The following SORCS2 variants were observed in gnomAD, a reference collection of about 807,000 sequenced individuals.
SORCS2 encodes sortilin related VPS10 domain containing receptor 2, also known as VPS10 domain-containing receptor SorCS2.
Under a neutral mutation model 141.6 loss-of-function variants are expected in SORCS2, and 100 were observed. The observed-to-expected ratio is 0.71, with a 90% confidence interval of 0.60 to 0.83. The LOEUF (loss-of-function observed/expected upper bound fraction) is 0.83. Among genes scored for constraint, SORCS2 ranks in the 40% least tolerant of loss-of-function variants. The pLI is 0.00. For synonymous variants in SORCS2, 789 were observed against 676.9 expected (o/e 1.17, Z -2.57); for missense variants, 1,646 against 1,560.2 (o/e 1.05, Z -0.93).
At position 7,560,707 on chromosome 4, in the gene SORCS2, G is replaced by C. The variant is rs75794717; in HGVS notation, c.648+29078G>C. Among the ~76,000 whole-genome samples, 622 of 152,250 alleles carry C rather than the reference G, an allele frequency of 4.1e-3. 1 individual carries two copies. Among genetic ancestry groups the C allele is most frequent in the Middle Eastern group, 0.01 (3 of 294 alleles). ...ACTCAGCACCTGAAACCCTCACACT[G>C]TTGTCTTCTTACCCATCCTCAAGCC... On this transcript the variant is annotated intron_variant, in intron 3 of 26. Coordinates refer to ENST00000507866, the MANE Select transcript of SORCS2 (RefSeq NM_020777.3).
intron 1 of SORCS2, among the ~76,000 whole-genome samples, chr4:7,209,509 C>T (rs1049557908): frequency 6.6e-6 from 1 of 152,164 alleles, no homozygotes; most frequent in Non-Finnish European, 1.5e-5. Context: ...GGGACCCCAG[C>T]GTGAGGCTGG....
intron 1 of SORCS2, among the ~76,000 whole-genome samples, chr4:7,342,171 A>T (rs1720405605): frequency 6.6e-6 from 1 of 152,204 alleles, no homozygotes; most frequent in Admixed American, 6.5e-5. Flanking sequence ...CTGAGTGCCC[A>T]CTGGGTGCCA....
At position 7,343,768 on chromosome 4, in the gene SORCS2, G is replaced by A. The variant is rs113546531; in HGVS notation, c.481-52520G>A. ...AGTGTTGAGTGGGTTGGTACACGGC[G>A]TAGAATAAGTCCTCAAGATGGGGGC... On this transcript the variant is annotated intron_variant, in intron 1 of 26. Transcript: ENST00000507866. 3.9e-3 allele frequency among the ~76,000 whole-genome samples: 600 copies of A among 152,310 alleles called. 7 individuals are homozygous for A. Among genetic ancestry groups the A allele is most frequent in the African/African-American group, 0.013 (527 of 41,560 alleles).
At chr4:7,222,007 G>T (rs1380397781) in intron 1 of SORCS2, among the ~76,000 whole-genome samples, 3 of 152,122 alleles carry the variant, frequency 2.0e-5, no homozygotes, top group Non-Finnish European at 4.4e-5. Flanking sequence ...TGGAGAAAAT[G>T]GAGCAAGTGA....
At chr4:7,518,816 C>A (rs1396922171) in intron 2 of SORCS2, among the ~76,000 whole-genome samples, 1 of 152,092 alleles carries the variant, frequency 6.6e-6, no homozygotes, top group Non-Finnish European at 1.5e-5. Context: ...GCCCCCCCGG[C>A]CCCCCATCAA....
chr4:7,250,271 G>GA (rs1713403968), intron 1 of SORCS2, among the ~76,000 whole-genome samples: 1 of 151,996 alleles, frequency 6.6e-6, no homozygotes, highest in African/African-American at 2.4e-5. Flanking sequence ...AAGAAAGAAA[G>GA]AAGGTGAAGG....
At chr4:7,675,037 G>A (rs2108948662) in intron 8 of SORCS2, among the ~76,000 whole-genome samples, 1 of 152,350 alleles carries the variant, frequency 6.6e-6, no homozygotes, top group Middle Eastern at 3.4e-3. Flanking sequence ...ACAGAGGTGG[G>A]AGGGAAGCTG....
At chr4:7,658,753 A>G (rs1721962834) in intron 5 of SORCS2, among the ~76,000 whole-genome samples, 1 of 152,190 alleles carries the variant, frequency 6.6e-6, no homozygotes, top group Non-Finnish European at 1.5e-5. Context: ...TCCCTGGAGA[A>G]GGTGAGGCAA....
chr4:7,608,174 G>T (rs1718179124), intron 3 of SORCS2, among the ~76,000 whole-genome samples: 1 of 152,144 alleles, frequency 6.6e-6, no homozygotes, highest in Non-Finnish European at 1.5e-5. Flanking sequence ...TTACACACCA[G>T]CCTCCCTCGT....
At chr4:7,469,883 G>A (rs188914648) in intron 2 of SORCS2, among the ~76,000 whole-genome samples, 1 of 152,352 alleles carries the variant, frequency 6.6e-6, no homozygotes, top group African/African-American at 2.4e-5. Flanking sequence ...GGCACAGAGA[G>A]TGGGCTCCTC....
intron 3 of SORCS2, among the ~76,000 whole-genome samples, chr4:7,587,061 G>A (rs184140673): frequency 6.6e-6 from 1 of 151,946 alleles, no homozygotes; most frequent in African/African-American, 2.4e-5. Context: ...GGAGATGGGC[G>A]GGGCTGCCCT....
At chr4:7,700,654 G>T (rs934451935) in intron 12 of SORCS2, among the ~76,000 whole-genome samples, 17 of 152,214 alleles carry the variant, frequency 1.1e-4, no homozygotes, top group Admixed American at 8.5e-4. Flanking sequence ...ACTTTCCTGA[G>T]CTAGCATTAG....
intron 1 of SORCS2, among the ~76,000 whole-genome samples, chr4:7,200,919 T>C (rs1169839322): frequency 1.3e-5 from 2 of 152,206 alleles, no homozygotes; most frequent in African/African-American, 2.4e-5. Context: ...TTCTTGAAAC[T>C]AGCTCAAGGC....
At chr4:7,727,376 G>T (rs1378247882) in intron 21 of SORCS2, among the ~76,000 whole-genome samples, 1 of 152,072 alleles carries the variant, frequency 6.6e-6, no homozygotes, top group Non-Finnish European at 1.5e-5. Flanking sequence ...GGGGCTCTTA[G>T]TCCCTCGTGG....
chr4:7,568,344 T>G (rs1715162499), intron 3 of SORCS2, among the ~76,000 whole-genome samples: 1 of 152,234 alleles, frequency 6.6e-6, no homozygotes. Flanking sequence ...TAAGTATTTA[T>G]GTCCTGATAC....
chr4:7,287,184 G>A (rs1716283307), intron 1 of SORCS2, among the ~76,000 whole-genome samples: 2 of 152,160 alleles, frequency 1.3e-5, no homozygotes, highest in Non-Finnish European at 2.9e-5. Context: ...CTTAATGACC[G>A]ACCAACTGGA....
At chr4:7,651,274 G>A (rs958464493) in intron 4 of SORCS2, among the ~76,000 whole-genome samples, 2 of 152,190 alleles carry the variant, frequency 1.3e-5, no homozygotes, top group African/African-American at 4.8e-5. Context: ...GCACATGATC[G>A]GGTTGAATCA....
chr4:7,553,071 A>C (rs924752182), intron 3 of SORCS2, among the ~76,000 whole-genome samples: 4 of 152,110 alleles, frequency 2.6e-5, no homozygotes, highest in Non-Finnish European at 5.9e-5. Flanking sequence ...ACACTGCAGG[A>C]AAGAGTCAGT....
chr4:7,697,176 T>C, intron 11 of SORCS2, 22 bp from the exon 12 acceptor site: 1 of 1,555,932 alleles, frequency 6.4e-7, no homozygotes, highest in Non-Finnish European at 8.7e-7. Context: ...AGGGTAGTAC[T>C]GCCCCTTTTC....
Sources: allele counts gnomAD v4.1 joint callset (sites outside exome capture counted in the v4.1 genomes callset), GRCh38; gene constraint gnomAD v4.1.1; transcripts MANE v1.5; gene names NCBI Gene and HGNC (gene_info 2026-07-23, HGNC 2026-07-21).